The following MAP2K1 variants were observed in gnomAD, a reference collection of about 807,000 sequenced individuals.
MAP2K1 encodes the protein mitogen-activated protein kinase kinase 1, also known as dual specificity mitogen-activated protein kinase kinase 1.
A neutral mutation model predicts 46.3 loss-of-function variants in MAP2K1; 16 were observed. The ratio of observed to expected loss-of-function variants is 0.35; its 90% confidence interval spans 0.23 to 0.52. The LOEUF is 0.52. Ranked by LOEUF, MAP2K1 falls within the 20% of genes least tolerant of loss-of-function variation. The pLI is 0.94. For synonymous variants in MAP2K1, 183 were observed against 185.6 expected, an observed-to-expected ratio of 0.99 and a Z score of 0.11; for missense variants, 263 against 497.1, an observed-to-expected ratio of 0.53 and a Z score of 4.48.
At chr15:66,420,008 G>T (rs1330827725) in intron 1 of MAP2K1, among the ~76,000 whole-genome samples, 1 of 151,940 alleles carries the variant, frequency 6.6e-6, no homozygotes, top group Non-Finnish European at 1.5e-5. Context: ...ACTTTGGGAG[G>T]TGAGGTGGGT....
intron 1 of MAP2K1, among the ~76,000 whole-genome samples, chr15:66,416,631 C>T (rs1049729640): frequency 2.6e-5 from 4 of 152,164 alleles, no homozygotes; most frequent in African/African-American, 9.7e-5. Context: ...TCACATTTCC[C>T]TTTCTATGTT....
chr15:66,448,065 A>G (rs1265506192), intron 5 of MAP2K1, among the ~76,000 whole-genome samples: 1 of 150,014 alleles, frequency 6.7e-6, no homozygotes, highest in East Asian at 2.0e-4. Context: ...AGGCATGAGA[A>G]TCACTTGAAC....
At chr15:66,429,500 T>C (rs1057178934) in intron 1 of MAP2K1, among the ~76,000 whole-genome samples, 1 of 152,182 alleles carries the variant, frequency 6.6e-6, no homozygotes, top group Non-Finnish European at 1.5e-5. Context: ...GTGCCTGGCT[T>C]CTTTCACAGA....
intron 5 of MAP2K1, among the ~76,000 whole-genome samples, chr15:66,480,129 C>A (rs988979619): frequency 1.3e-5 from 2 of 151,822 alleles, no homozygotes; most frequent in Non-Finnish European, 2.9e-5. Flanking sequence ...GGCTCTGTCA[C>A]CCAGGCTGGA....
At chr15:66,447,612 A>AC (rs1891905427) in intron 5 of MAP2K1, among the ~76,000 whole-genome samples, 1 of 150,134 alleles carries the variant, frequency 6.7e-6, no homozygotes, top group Admixed American at 6.7e-5. Context: ...AATTGTTTGA[A>AC]CCTGGGGGGC....
intron 5 of MAP2K1, among the ~76,000 whole-genome samples, chr15:66,471,009 A>G (rs1892620407): frequency 1.3e-5 from 2 of 152,194 alleles, no homozygotes; most frequent in Admixed American, 6.5e-5. Flanking sequence ...TAGGTGAGAG[A>G]CAAACACTTG....
At chr15:66,488,629 C>T (rs761504749) in intron 8 of MAP2K1, 7 of 182,660 alleles carry the variant, frequency 3.8e-5, no homozygotes, top group Non-Finnish European at 5.8e-5. Flanking sequence ...CTGGAATGTA[C>T]AGGTAACATT....
At chr15:66,443,734 G>T (rs1448764036) in intron 4 of MAP2K1, among the ~76,000 whole-genome samples, 1 of 152,082 alleles carries the variant, frequency 6.6e-6, no homozygotes, top group Non-Finnish European at 1.5e-5. Flanking sequence ...ATAGCTGGGC[G>T]TGGTGGTGCA....
intron 5 of MAP2K1, among the ~76,000 whole-genome samples, chr15:66,452,254 A>T (rs1892036287): frequency 1.5e-5 from 2 of 136,976 alleles, no homozygotes; most frequent in South Asian, 2.4e-4. Context: ...AACCTGCACA[A>T]TGTGCACATG....
chr15:66,401,024 T>C (rs1397664144), intron 1 of MAP2K1, among the ~76,000 whole-genome samples: 5 of 152,202 alleles, frequency 3.3e-5, no homozygotes, highest in African/African-American at 1.2e-4. Context: ...ATTGTATATG[T>C]TTTTGGATAG....
At chr15:66,414,150 T>A (rs1267485955) in intron 1 of MAP2K1, among the ~76,000 whole-genome samples, 2 of 152,054 alleles carry the variant, frequency 1.3e-5, no homozygotes, top group Non-Finnish European at 2.9e-5. Context: ...AAAAAATAGA[T>A]TTATAATCCT....
At chr15:66,450,001 T>C (rs1297583433) in intron 5 of MAP2K1, among the ~76,000 whole-genome samples, 1 of 135,148 alleles carries the variant, frequency 7.4e-6, no homozygotes, top group Non-Finnish European at 1.6e-5. Context: ...AATCAATAAA[T>C]GTAATCCAGC....
chr15:66,428,828 A>G lies in MAP2K1; in HGVS notation c.81-6199A>G, dbSNP rs1454281781. On this transcript the variant is annotated intron_variant, in intron 1 of 10. Coordinates refer to ENST00000307102, the MANE Select transcript of MAP2K1 (RefSeq NM_002755.4). ...ACAGGGTCTCATTGTCACCCAGGCT[A>G]GAGTGCAGTGACGCGATCTTGGCTT... is the stretch of plus-strand genomic sequence containing the variant. 5.8e-5 allele frequency among the ~76,000 whole-genome samples: 7 copies of G among 120,598 alleles called. No individual in the cohort carries two copies. In the East Asian group the frequency reaches 1.7e-3, roughly 29 times the overall value. The allele number at this position is 120,598 out of a possible 152,430, so 79.1% of individuals were successfully genotyped here.
At chr15:66,402,075 A>G (rs2093383110) in intron 1 of MAP2K1, 3 of 1,039,122 alleles carry the variant, frequency 2.9e-6, no homozygotes, top group East Asian at 4.4e-5. Flanking sequence ...TTGAAGTTTT[A>G]TAAATGATGT....
intron 6 of MAP2K1, among the ~76,000 whole-genome samples, chr15:66,484,390 C>T (rs532626722): frequency 7.2e-5 from 11 of 152,154 alleles, no homozygotes; most frequent in African/African-American, 2.2e-4. Flanking sequence ...TCATGTGATC[C>T]GCCTGCCTCA....
chr15:66,429,666 C>T (rs1461210980), intron 1 of MAP2K1, among the ~76,000 whole-genome samples: 1 of 58,092 alleles, frequency 1.7e-5, no homozygotes, highest in African/African-American at 1.1e-4. Context: ...ACTGCGGCGC[C>T]CCCCCCCCCC....
chr15:66,389,574 T>G (rs1204148360), intron 1 of MAP2K1, among the ~76,000 whole-genome samples: 10,723 of 59,772 alleles, frequency 0.18, 318 homozygotes, highest in Non-Finnish European at 0.24. Flanking sequence ...CTGTTGTGGT[T>G]TTTTTTTTTT....
chr15:66,444,621 G>GT, intron 4 of MAP2K1, 35 bp from the exon 5 acceptor site: 1 of 1,394,922 alleles, frequency 7.2e-7, no homozygotes. Flanking sequence ...CTTATCACCA[G>GT]TATTTTCTTT....
rs373210982 is a variant in MAP2K1 at position 66,489,746 on chromosome 15, G to A, written c.1051G>A (p.Asp351Asn). 2 of 1,613,916 alleles carry A rather than the reference G, an allele frequency of 1.2e-6. No individual in the cohort carries two copies. Among genetic ancestry groups the A allele is most frequent in the South Asian group, 1.1e-5 (1 of 91,080 alleles). Residue 351 changes from aspartate (D) to asparagine (N), a missense_variant, in exon 10 of 11, where the codon GAT becomes AAT. Asp to Asn is a conservative substitution (Grantham distance 23). Transcript: ENST00000307102. ...CLIKNPAERA[D>N]LKQLMVHAFI... ...AATAAAAAACCCCGCAGAGAGAGCA[G>A]ATTTGAAGCAACTCATGGTGAGTCT...
Sources: allele counts gnomAD v4.1 joint callset (sites outside exome capture counted in the v4.1 genomes callset), GRCh38; gene constraint gnomAD v4.1.1; transcripts MANE v1.5; gene names NCBI Gene and HGNC (gene_info 2026-07-23, HGNC 2026-07-21).